Variants in FAM170B observed in about 807,000 individuals in gnomAD.
FAM170B encodes the protein protein FAM170B.
A neutral mutation model predicts 3.9 loss-of-function variants in FAM170B; 4 were observed. The ratio of observed to expected loss-of-function variants is 1.01; its 90% CI spans 0.50 to 2.32. FAM170B has a LOEUF of 2.32. Among genes scored for constraint, FAM170B ranks in the 30% most tolerant of loss-of-function variants. The pLI, the probability that FAM170B is intolerant of heterozygous loss-of-function variation, is 0.02. For synonymous variants in FAM170B, 163 were observed against 149.8 expected, an observed-to-expected ratio of 1.09 and a Z score of -0.64; for missense variants, 417 against 368.6, an observed-to-expected ratio of 1.13 and a Z score of -1.07.
Position 49,132,366 on chromosome 10 carries a change from G to T in FAM170B, c.113-14C>A, listed in dbSNP as rs752909853. 3 of 1,518,132 alleles carry T rather than the reference G, an allele frequency of 2.0e-6. No homozygotes were observed. The allele number at this position is 1,518,132 out of a possible 1,614,324, so 94.0% of individuals were successfully genotyped here. On this transcript the variant is annotated splice_polypyrimidine_tract_variant and intron_variant, in intron 1 of 1. Coordinates refer to ENST00000311787, the MANE Select transcript of FAM170B (RefSeq NM_001164484.2). Reference sequence around the variant, plus strand: ...TCTGTATAGTCCCTGAGAAGCAGAAGGACATTGTCATCAGTGCCCTTTAAG... The same window carrying T: ...TCTGTATAGTCCCTGAGAAGCAGAATGACATTGTCATCAGTGCCCTTTAAG...
rs1009786262 is a variant in FAM170B, at chr10:49,131,723, C to G, written c.742G>C (p.Gly248Arg). 15 of 1,551,766 alleles carry G rather than the reference C, an allele frequency of 9.7e-6. No homozygotes were observed. Among genetic ancestry groups the G allele is most frequent in the Non-Finnish European group, 1.3e-5 (15 of 1,147,022 alleles). The stretch of plus-strand genomic sequence containing the variant: ...TCCAGCTGTTGGTCATGTGCTTGGC[C>G]CTGAGCCCGCCTTCTCTCCAGCATC... The part of the protein sequence containing the change: ...EEMLERRRAQ[G>R]QAHDQQLEEE... The change falls in exon 2 of 2, where the codon GGC (glycine) becomes CGC (arginine). Residue 248 changes from glycine (G) to arginine (R), a missense_variant. By Grantham distance (125) the Gly-to-Arg change is moderately radical. Transcript: ENST00000311787.
chr10:49,132,524 G>A (rs1049102341), intron 1 of FAM170B, among the ~76,000 whole-genome samples, 172 bp from the exon 2 acceptor site: 3 of 152,174 alleles, frequency 2.0e-5, no homozygotes, highest in African/African-American at 7.2e-5. Flanking sequence ...CTGCTTCATA[G>A]GGTGTGGTAA....
At position 49,131,693 on chromosome 10, in the gene FAM170B, C is replaced by A. The variant is rs868022414; in HGVS notation, c.772G>T (p.Glu258Ter). 12 of 1,551,730 alleles carry A rather than the reference C, an allele frequency of 7.7e-6. No homozygotes were observed. Among genetic ancestry groups the A allele is most frequent in the African/African-American group, 1.4e-5 (1 of 73,168 alleles). ...TCGCTGTTGTCTGAAGGACTCTGCT[C>A]CTCCTCCAGCTGTTGGTCATGTGCT... ...GQAHDQQLEE[E>*]QSPSDNSECS... Residue 258 changes from glutamate (E) to a stop codon, truncating the protein, a stop_gained, in exon 2 of 2, where the codon GAG (glutamate) becomes TAG (stop). Coordinates refer to ENST00000311787, the MANE Select transcript of FAM170B (RefSeq NM_001164484.2). LOFTEE classifies it low-confidence loss of function (END_TRUNC).
At chr10:49,133,644 G>A (rs1158966620) in intron 1 of FAM170B, among the ~76,000 whole-genome samples, 163 bp downstream of exon 1, 1 of 151,960 alleles carries the variant, frequency 6.6e-6, no homozygotes, top group African/African-American at 2.4e-5. Context: ...CACACCAAGT[G>A]TCCCATAAAT....
Position 49,131,331 on chromosome 10 carries a change from C to G in FAM170B, c.*282G>C, listed in dbSNP as rs1845178541. 2 of 392,380 alleles carry G rather than the reference C, an allele frequency of 5.1e-6. No homozygotes were observed. The highest frequency in any genetic ancestry group is 8.2e-5 in the Admixed American group (2 of 24,316). The allele number at this position is 392,380 out of a possible 1,614,324, so 24.3% of individuals were successfully genotyped here. A position where few individuals can be genotyped will look rare whatever the true frequency, so the allele number is the denominator to read the frequency against. On this transcript the variant is annotated 3_prime_UTR_variant, in exon 2 of 2. Transcript: ENST00000311787. ...TCCACCGGCAAAAATAGAAATCCCTCTGGCCATGCGTTTGTGGGTTTCAGA... is the reference window on the plus strand; with the variant it reads ...TCCACCGGCAAAAATAGAAATCCCTGTGGCCATGCGTTTGTGGGTTTCAGA...
At chr10:49,133,705 G>T in intron 1 of FAM170B, 102 bp downstream of exon 1, 2 of 843,174 alleles carry the variant, frequency 2.4e-6, no homozygotes, top group Non-Finnish European at 1.9e-6. Flanking sequence ...ACAACCATTT[G>T]GTAACAGTAT....
In FAM170B at chr10:49,131,310, C is replaced by A. The variant is rs1411423934; in HGVS notation, c.*303G>T. ...AGCAAGTGTGGACCTGCCTGATCCA[C>A]CGGCAAAAATAGAAATCCCTCTGGC... On this transcript the variant is annotated 3_prime_UTR_variant, in exon 2 of 2. Transcript: ENST00000311787. 2.9e-6 allele frequency: 1 copy of A among 347,600 alleles called. No individual in the cohort carries two copies. The allele number at this position is 347,600 out of a possible 1,614,324, so 21.5% of individuals were successfully genotyped here. A position where few individuals can be genotyped will look rare whatever the true frequency, so the allele number is the denominator to read the frequency against.
At position 49,132,103 on chromosome 10, in the gene FAM170B, A is replaced by T. The variant is rs1314784226; in HGVS notation, c.362T>A (p.Val121Glu). 1 of 1,551,692 alleles carries T rather than the reference A, an allele frequency of 6.4e-7. No homozygotes were observed. Residue 121 changes from valine (V) to glutamate (E), a missense_variant, in exon 2 of 2, where the codon GTG becomes GAG. Coordinates refer to ENST00000311787, the MANE Select transcript of FAM170B (RefSeq NM_001164484.2). ...GAAGCCGGCCTCCGTCTCCCAGGCC[A>T]CAGCCACACCCCGCACAGTCTGCAC... ...THVQTVRGVAVAWETEAGFEP... is the reference protein window; with the variant it reads ...THVQTVRGVAEAWETEAGFEP...
intron 1 of FAM170B, 31 bp from the exon 2 acceptor site, chr10:49,132,383 C>A (rs945770998): frequency 6.7e-7 from 1 of 1,494,456 alleles, no homozygotes; most frequent in Non-Finnish European, 8.9e-7. Flanking sequence ...GTCATCAGTG[C>A]CCTTTAAGGG....
At position 49,131,660 on chromosome 10, in the gene FAM170B, G is replaced by T. The variant is rs757259044; in HGVS notation, c.805C>A (p.Arg269=). The change falls in exon 2 of 2, where the codon CGG becomes AGG. Residue 269 remains arginine, a synonymous_variant. Transcript: ENST00000311787. ...QSPSDNSECS[R]PQGEVLSAQQ... The stretch of plus-strand genomic sequence containing the variant: ...GCTGAGAGCACCTCACCCTGGGGCC[G>T]GGAACATTCGCTGTTGTCTGAAGGA... The T allele has an allele frequency of 1.9e-6, 3 of 1,551,712 alleles. No homozygotes were observed. The South Asian group carries it at 3.6e-5, about 18-fold the overall frequency.
chr10:49,132,868 C>T (rs1440454713), intron 1 of FAM170B, among the ~76,000 whole-genome samples: 5 of 150,566 alleles, frequency 3.3e-5, no homozygotes, highest in East Asian at 1.9e-4. Context: ...GAGTCCATGT[C>T]GTATATGATT....
intron 1 of FAM170B, among the ~76,000 whole-genome samples, chr10:49,133,227 C>T (rs903325227): frequency 2.0e-5 from 3 of 152,222 alleles, no homozygotes; most frequent in Admixed American, 1.3e-4. Flanking sequence ...CCCGAGGGGG[C>T]ATCTCACTAT....
chr10:49,131,691 C>T lies in FAM170B; in HGVS notation c.774G>A (p.Glu258=). 2 of 1,551,784 alleles carry T rather than the reference C, an allele frequency of 1.3e-6. No individual in the cohort carries two copies. Among genetic ancestry groups the T allele is most frequent in the South Asian group, 2.4e-5 (2 of 84,068 alleles). The part of the protein sequence containing the change: ...GQAHDQQLEE[E]QSPSDNSECS... ...ATTCGCTGTTGTCTGAAGGACTCTG[C>T]TCCTCCTCCAGCTGTTGGTCATGTG... Residue 258 remains glutamate, a synonymous_variant, in exon 2 of 2, where the codon GAG becomes GAA. Transcript: ENST00000311787.
Position 49,132,085 on chromosome 10 carries a change from G to C in FAM170B, c.380C>G (p.Ala127Gly). Reference protein sequence around the residue: ...RGVAVAWETEAGFEPVTRKPR... With the variant: ...RGVAVAWETEGGFEPVTRKPR... ...CTTCCTGGTGACCGGCTCGAAGCCGGCCTCCGTCTCCCAGGCCACAGCCAC... is the reference window on the plus strand; with the variant it reads ...CTTCCTGGTGACCGGCTCGAAGCCGCCCTCCGTCTCCCAGGCCACAGCCAC... Residue 127 changes from alanine (A) to glycine (G), a missense_variant, in exon 2 of 2, where the codon GCC becomes GGC. Physicochemically the swap from Ala to Gly is moderately conservative, Grantham distance 60 (BLOSUM62 0). Transcript: ENST00000311787. 1 of 1,551,624 alleles carries C rather than the reference G, an allele frequency of 6.4e-7. No homozygotes were observed. The highest frequency in any genetic ancestry group is 1.2e-5 in the South Asian group (1 of 84,068).
Position 49,131,356 on chromosome 10 carries a change from ATGT to A in FAM170B, c.*254_*256del, listed in dbSNP as rs1845178837. 5 of 449,174 alleles carry A rather than the reference ATGT, an allele frequency of 1.1e-5. No homozygotes were observed. In the East Asian group the frequency reaches 1.7e-4, roughly 16 times the overall value. The allele number at this position is 449,174 out of a possible 1,614,324, so 27.8% of individuals were successfully genotyped here. On this transcript the variant is annotated 3_prime_UTR_variant, in exon 2 of 2. Coordinates refer to ENST00000311787, the MANE Select transcript of FAM170B (RefSeq NM_001164484.2). ...CTGGCCATGCGTTTGTGGGTTTCAG[ATGT>A]TGTGCCTGCCATCAGAAACACTCAA...
chr10:49,132,408 T>C lies in FAM170B; in HGVS notation c.113-56A>G, dbSNP rs1845200978. 5 of 1,457,008 alleles carry C rather than the reference T, an allele frequency of 3.4e-6. No individual in the cohort carries two copies. The Admixed American group carries it at 1.2e-4, about 35-fold the overall frequency. The allele number at this position is 1,457,008 out of a possible 1,614,324, so 90.3% of individuals were successfully genotyped here. On this transcript the variant is annotated intron_variant, in intron 1 of 1. Transcript: ENST00000311787. ...CCCTTTAAGGGATCAATGCCACATC[T>C]ACCTTCAGGAGCCGCAGACTCTGAA...
chr10:49,131,402 T>G lies in FAM170B; in HGVS notation c.*211A>C. 1 of 615,484 alleles carries G rather than the reference T, an allele frequency of 1.6e-6. No homozygotes were observed. The allele number at this position is 615,484 out of a possible 1,614,324, so 38.1% of individuals were successfully genotyped here. A position where few individuals can be genotyped will look rare whatever the true frequency, so the allele number is the denominator to read the frequency against. ...ACACTCAAAGCCCTCTCGTTTGGGT[T>G]TTGAAATGGACTCTGGTGGAGATGC... is the stretch of plus-strand genomic sequence containing the variant. On this transcript the variant is annotated 3_prime_UTR_variant, in exon 2 of 2. Coordinates refer to ENST00000311787, the MANE Select transcript of FAM170B (RefSeq NM_001164484.2).
In FAM170B at chr10:49,133,842, T is replaced by A. The variant is rs907002462; in HGVS notation, c.77A>T (p.Glu26Val). 1.3e-6 allele frequency: 2 copies of A among 1,551,724 alleles called. No individual in the cohort carries two copies. The highest frequency in any genetic ancestry group is 2.0e-5 in the Admixed American group (1 of 51,006). ...CACTTCCACACTCTCCTCAGTGGAC[T>A]CAGGGCTGGTCAAGCTGAGGGTGGT... is the stretch of plus-strand genomic sequence containing the variant. ...DGTTLSLTSP[E>V]STEESVEVFW... Residue 26 changes from glutamate to valine, a missense_variant, in exon 1 of 2, where the codon GAG becomes GTG. Glu to Val is a moderately radical substitution (Grantham distance 121). Coordinates refer to ENST00000311787, the MANE Select transcript of FAM170B (RefSeq NM_001164484.2).
rs1201264941 is a variant in FAM170B at position 49,131,971 on chromosome 10, T to C, written c.494A>G (p.Asp165Gly). The C allele has an allele frequency of 1.9e-6, 3 of 1,551,580 alleles. No homozygotes were observed. Among genetic ancestry groups the C allele is most frequent in the Non-Finnish European group, 2.6e-6 (3 of 1,146,998 alleles). Reference sequence around the variant, plus strand: ...GCAGTTGCTCTTGCAGGCTTCCAGGTCCCAGCGCATATCGGTGTTGGAAGC... The same window carrying C: ...GCAGTTGCTCTTGCAGGCTTCCAGGCCCCAGCGCATATCGGTGTTGGAAGC... ...EMASNTDMRW[D>G]LEACKSNCSP... Residue 165 changes from aspartate (D) to glycine (G), a missense_variant, in exon 2 of 2, where the codon GAC (aspartate) becomes GGC (glycine). Coordinates refer to ENST00000311787, the MANE Select transcript of FAM170B (RefSeq NM_001164484.2).
Sources: gnomAD v4.1 joint callset for allele counts (sites outside exome capture counted in the v4.1 genomes callset) on GRCh38, gnomAD v4.1.1 for gene constraint, MANE v1.5 for transcripts, NCBI Gene and HGNC (gene_info 2026-07-23, HGNC 2026-07-21) for gene names.